The following SERGEF variants were observed in gnomAD, a reference collection of about 807,000 sequenced individuals.
SERGEF encodes secretion-regulating guanine nucleotide exchange factor.
SERGEF carries 51 observed loss-of-function variants against 50.0 expected under a neutral mutation model. That is an observed-to-expected ratio of 1.02 (90% CI 0.81 to 1.29). The LOEUF is 1.29. SERGEF is among the 50% of genes most tolerant of loss of function. The probability of loss-of-function intolerance (pLI) is 0.00; values close to 1 mark genes in which losing one functional copy is unlikely to be tolerated. For synonymous variants in SERGEF, 205 were observed against 212.4 expected (o/e 0.97, Z 0.30); for missense variants, 521 against 557.0 (o/e 0.94, Z 0.65).
At chr11:17,981,428 C>G (rs962520834) in intron 8 of SERGEF, among the ~76,000 whole-genome samples, 8 of 152,164 alleles carry the variant, frequency 5.3e-5, no homozygotes, top group Admixed American at 5.2e-4. Context: ...CTGAGAAACA[C>G]AAGATCTGGA....
At chr11:17,788,652 A>T (rs1047848643) in intron 10 of SERGEF, among the ~76,000 whole-genome samples, 3 of 152,054 alleles carry the variant, frequency 2.0e-5, no homozygotes, top group African/African-American at 7.2e-5. Flanking sequence ...CTCATGTTCC[A>T]AGCGTGGCTT....
At chr11:17,926,635 C>A (rs1158836748) in intron 9 of SERGEF, 13 of 405,994 alleles carry the variant, frequency 3.2e-5, no homozygotes, top group Non-Finnish European at 5.4e-5. Context: ...AGAAACCATG[C>A]CCTCCTTTAT....
chr11:17,949,747 T>C (rs1271278942), intron 9 of SERGEF, among the ~76,000 whole-genome samples: 1 of 150,390 alleles, frequency 6.6e-6, no homozygotes, highest in Non-Finnish European at 1.5e-5. Context: ...AAAGGGAGGG[T>C]GGAAAAGTGC....
At chr11:17,956,491 G>C (rs926491212) in intron 9 of SERGEF, among the ~76,000 whole-genome samples, 2 of 152,162 alleles carry the variant, frequency 1.3e-5, no homozygotes, top group African/African-American at 2.4e-5. Context: ...TTATCATGAA[G>C]ACAAAATAAT....
At chr11:17,940,787 T>C (rs1852547682) in intron 9 of SERGEF, among the ~76,000 whole-genome samples, 1 of 152,056 alleles carries the variant, frequency 6.6e-6, no homozygotes, top group Non-Finnish European at 1.5e-5. Flanking sequence ...AGTCTTACAC[T>C]GGAGAAAGTA....
intron 9 of SERGEF, among the ~76,000 whole-genome samples, chr11:17,943,413 T>C (rs1852598061): frequency 6.6e-6 from 1 of 152,212 alleles, no homozygotes; most frequent in Admixed American, 6.5e-5. Flanking sequence ...ACATAATCTG[T>C]AGTGACATAC....
chr11:17,896,908 G>T (rs71469375), intron 9 of SERGEF, among the ~76,000 whole-genome samples: 1 of 60,640 alleles, frequency 1.6e-5, no homozygotes, highest in Non-Finnish European at 2.9e-5. Flanking sequence ...GAAGGGAAGG[G>T]AAGGGAAGGG....
intron 9 of SERGEF, among the ~76,000 whole-genome samples, chr11:17,904,560 A>C (rs1473142115): frequency 6.6e-6 from 1 of 152,222 alleles, no homozygotes; most frequent in African/African-American, 2.4e-5. Flanking sequence ...ATTTCTATGA[A>C]CTGTTAGGTG....
chr11:17,803,859 T>C (rs963027455), intron 10 of SERGEF, among the ~76,000 whole-genome samples: 2 of 152,220 alleles, frequency 1.3e-5, no homozygotes, highest in Admixed American at 6.5e-5. Flanking sequence ...TTGACACAAG[T>C]TCTAGCCGAG....
intron 10 of SERGEF, among the ~76,000 whole-genome samples, chr11:17,828,561 C>G (rs1565178771): frequency 6.6e-6 from 1 of 152,190 alleles, no homozygotes; most frequent in Non-Finnish European, 1.5e-5. Context: ...TCTTCAAGGC[C>G]TTCTTTTAAG....
At chr11:17,992,565 T>A (rs967637790) in intron 7 of SERGEF, among the ~76,000 whole-genome samples, 5 of 152,192 alleles carry the variant, frequency 3.3e-5, no homozygotes, top group African/African-American at 1.2e-4. Context: ...TATCCATATA[T>A]GTTATATATA....
chr11:17,993,261 G>C (rs1270934778), intron 6 of SERGEF, among the ~76,000 whole-genome samples: 1 of 152,226 alleles, frequency 6.6e-6, no homozygotes, highest in Non-Finnish European at 1.5e-5. Flanking sequence ...GATATGAAAA[G>C]GGGAAAGGCT....
chr11:17,807,329 C>T (rs942648836), intron 10 of SERGEF, among the ~76,000 whole-genome samples: 7 of 60,518 alleles, frequency 1.2e-4, no homozygotes, highest in African/African-American at 2.5e-4. Flanking sequence ...TCAAAGAACT[C>T]CCCCCCCACA....
intron 10 of SERGEF, among the ~76,000 whole-genome samples, chr11:17,832,655 T>A (rs1850330409): frequency 6.6e-6 from 1 of 152,160 alleles, no homozygotes; most frequent in South Asian, 2.1e-4. Flanking sequence ...CTTGGAGACT[T>A]GCTGGATGGC....
intron 9 of SERGEF, among the ~76,000 whole-genome samples, chr11:17,909,941 T>A (rs1851917881): frequency 6.6e-6 from 1 of 152,192 alleles, no homozygotes; most frequent in South Asian, 2.1e-4. Flanking sequence ...TGTCCTAGAC[T>A]AAGTGAGCCA....
intron 10 of SERGEF, among the ~76,000 whole-genome samples, chr11:17,796,067 T>C (rs1387483811): frequency 6.6e-6 from 1 of 152,146 alleles, no homozygotes; most frequent in African/African-American, 2.4e-5. Flanking sequence ...ACATCCCAAA[T>C]TGAGAACAGT....
In SERGEF at chr11:17,817,334, C is replaced by T. The variant is rs561468556; in HGVS notation, c.1049-28921G>A. On this transcript the variant is annotated intron_variant, in intron 10 of 10. Coordinates refer to ENST00000265965, the MANE Select transcript of SERGEF (RefSeq NM_012139.4). ...GGTTCATGCCATTCTCCTGCCTCAG[C>T]CTCCCAAATAGCTGAGATTACAGGC... Among the ~76,000 whole-genome samples, 5 of 152,056 alleles carry T rather than the reference C, an allele frequency of 3.3e-5. No homozygotes were observed. The South Asian group carries it at 1.0e-3, about 32-fold the overall frequency.
At chr11:17,837,604 C>T (rs889639629) in intron 10 of SERGEF, among the ~76,000 whole-genome samples, 1 of 150,652 alleles carries the variant, frequency 6.6e-6, no homozygotes, top group Non-Finnish European at 1.5e-5. Context: ...CAAGCAGAAG[C>T]CGGCGCCATG....
At chr11:17,839,895 G>C (rs1336517497) in intron 10 of SERGEF, among the ~76,000 whole-genome samples, 1 of 152,248 alleles carries the variant, frequency 6.6e-6, no homozygotes, top group East Asian at 1.9e-4. Context: ...ATAGCTAGAA[G>C]AGGTGGAGCT....
Sources: allele counts gnomAD v4.1 joint callset (sites outside exome capture counted in the v4.1 genomes callset), GRCh38; gene constraint gnomAD v4.1.1; transcripts MANE v1.5; gene names NCBI Gene and HGNC (gene_info 2026-07-23, HGNC 2026-07-21).